Variants in STXBP5 observed in about 807,000 individuals in gnomAD.
STXBP5 encodes syntaxin-binding protein 5.
In STXBP5, 50 loss-of-function variants were observed where a neutral mutation model predicts 152.4. That is an observed-to-expected ratio of 0.33 (90% CI 0.26 to 0.42). The LOEUF is 0.42. Ranked by LOEUF, STXBP5 falls within the 10% of genes least tolerant of loss-of-function variation. The probability of loss-of-function intolerance (pLI) is 1.00; values close to 1 mark genes in which losing one functional copy is unlikely to be tolerated. For missense variants in STXBP5, 1,167 were observed against 1,388.6 expected, an observed-to-expected ratio of 0.84 and a Z score of 2.54; for synonymous variants, 492 against 494.7, an observed-to-expected ratio of 0.99 and a Z score of 0.07.
At chr6:147,339,124 T>C (rs1783974128) in intron 19 of STXBP5, 55 bp from the exon 20 acceptor site, 2 of 1,403,350 alleles carry the variant, frequency 1.4e-6, no homozygotes, top group African/African-American at 1.5e-5. Flanking sequence ...TTGTTACAGC[T>C]CAGTATTTAT....
At chr6:147,285,146 A>G (rs1252176352) in intron 8 of STXBP5, among the ~76,000 whole-genome samples, 1 of 152,134 alleles carries the variant, frequency 6.6e-6, no homozygotes, top group Non-Finnish European at 1.5e-5. Flanking sequence ...ATGGAAGTTT[A>G]TGTGAGTTAT....
intron 25 of STXBP5, among the ~76,000 whole-genome samples, chr6:147,372,274 G>A (rs571714626): frequency 2.6e-5 from 4 of 151,946 alleles, no homozygotes; most frequent in Non-Finnish European, 5.9e-5. Flanking sequence ...AACCTGAACA[G>A]CCTTTACCAG....
chr6:147,245,990 G>C (rs888124233), intron 4 of STXBP5, among the ~76,000 whole-genome samples: 3 of 152,154 alleles, frequency 2.0e-5, no homozygotes, highest in African/African-American at 7.2e-5. Context: ...AGCCACCCAT[G>C]CTGTGGTGAT....
At chr6:147,300,422 T>C (rs1321382689) in intron 9 of STXBP5, among the ~76,000 whole-genome samples, 2 of 152,078 alleles carry the variant, frequency 1.3e-5, no homozygotes, top group East Asian at 3.9e-4. Flanking sequence ...GCTACAAAAC[T>C]GTGGTAATCA....
chr6:147,382,391 G>A (rs2128423686), intron 26 of STXBP5, among the ~76,000 whole-genome samples: 1 of 152,148 alleles, frequency 6.6e-6, no homozygotes, highest in African/African-American at 2.4e-5. Context: ...AATCAAATCT[G>A]TATATTTAAA....
chr6:147,297,158 CATATT>C (rs1238034545), intron 9 of STXBP5, among the ~76,000 whole-genome samples: 2 of 152,076 alleles, frequency 1.3e-5, no homozygotes, highest in Non-Finnish European at 2.9e-5. Flanking sequence ...CTCTCCAAGA[CATATT>C]ATAATCAAAC....
chr6:147,208,346 A>G (rs1157540601), intron 2 of STXBP5, among the ~76,000 whole-genome samples: 1 of 152,176 alleles, frequency 6.6e-6, no homozygotes, highest in African/African-American at 2.4e-5. Context: ...TCTGATTTAT[A>G]GAAAATGACT....
chr6:147,292,496 A>C (rs959933709), intron 9 of STXBP5: 1 of 186,792 alleles, frequency 5.4e-6, no homozygotes, highest in Non-Finnish European at 1.1e-5. Context: ...TTTCTGGTAT[A>C]TAATAAACTC....
chr6:147,382,984 A>G lies in STXBP5; in HGVS notation c.3400A>G (p.Lys1134Glu). ...GTTATCAAGTGCAGAGTCATTTTCTAAACATGCTCATGAGGTACGACTCTC... is the reference window on the plus strand; with the variant it reads ...GTTATCAAGTGCAGAGTCATTTTCTGAACATGCTCATGAGGTACGACTCTC... ...AMLSSAESFSKHAHEIMLKYK... is the reference protein window; with the variant it reads ...AMLSSAESFSEHAHEIMLKYK... The change falls in exon 27 of 28, where the codon AAA becomes GAA. Residue 1134 changes from lysine to glutamate, a missense_variant. Transcript: ENST00000321680. 1.2e-6 allele frequency: 2 copies of G among 1,613,372 alleles called. No individual in the cohort carries two copies. The highest frequency in any genetic ancestry group is 1.7e-6 in the Non-Finnish European group (2 of 1,179,574).
chr6:147,288,859 A>G (rs1781128765), intron 8 of STXBP5, among the ~76,000 whole-genome samples: 1 of 152,212 alleles, frequency 6.6e-6, no homozygotes, highest in African/African-American at 2.4e-5. Flanking sequence ...CTCTGACCCT[A>G]GGACTTCATA....
At chr6:147,209,919 A>G (rs955754745) in intron 2 of STXBP5, among the ~76,000 whole-genome samples, 5 of 152,180 alleles carry the variant, frequency 3.3e-5, no homozygotes, top group Non-Finnish European at 7.4e-5. Context: ...AGTTAGCAGG[A>G]GAAATAAGGA....
intron 4 of STXBP5, among the ~76,000 whole-genome samples, chr6:147,246,290 A>G (rs916767962): frequency 6.6e-6 from 1 of 152,242 alleles, no homozygotes; most frequent in Non-Finnish European, 1.5e-5. Context: ...GAGTTAGTAT[A>G]GTATGACCAG....
At chr6:147,218,286 A>T (rs1417430853) in intron 2 of STXBP5, among the ~76,000 whole-genome samples, 1 of 152,294 alleles carries the variant, frequency 6.6e-6, no homozygotes, top group Non-Finnish European at 1.5e-5. Context: ...CATCATTATA[A>T]TATCATACAG....
In STXBP5 at chr6:147,316,236, A is replaced by T. The variant is rs1782638158; in HGVS notation, c.1631A>T (p.Glu544Val). Residue 544 changes from glutamate (E) to valine (V), a missense_variant, in exon 16 of 28, where the codon GAA becomes GTA. Glu to Val is a moderately radical substitution (Grantham distance 121). Transcript: ENST00000321680. ...ACCTTACTTTTACAACAGATGCTTG[A>T]AGTTCGATTATTATATGAGATAAAT... is the stretch of plus-strand genomic sequence containing the variant. The part of the protein sequence containing the change: ...EVITEVIPML[E>V]VRLLYEINDV... The T allele has an allele frequency of 6.2e-7, 1 of 1,613,642 alleles. No homozygotes were observed. Among genetic ancestry groups the T allele is most frequent in the Admixed American group, 1.7e-5 (1 of 59,896 alleles).
At chr6:147,209,706 A>G (rs74575879) in intron 2 of STXBP5, among the ~76,000 whole-genome samples, 2,355 of 152,258 alleles carry the variant, frequency 0.015, 59 homozygotes, top group African/African-American at 0.054. Flanking sequence ...TTGGGGCTCT[A>G]CTGACATTAC....
intron 2 of STXBP5, among the ~76,000 whole-genome samples, chr6:147,214,649 ATTTCCGC>A (rs1777067455): frequency 6.6e-6 from 1 of 152,100 alleles, no homozygotes. Flanking sequence ...TAAAATTTTG[ATTTCCGC>A]ATTGCCATTT....
In STXBP5 at chr6:147,388,134, A is replaced by T. The variant is rs1046717856; in HGVS notation, c.*3379A>T. 1 of 151,610 alleles carries T rather than the reference A, an allele frequency of 6.6e-6. No individual in the cohort carries two copies. Among genetic ancestry groups the T allele is most frequent in the Non-Finnish European group, 1.5e-5 (1 of 67,706 alleles). 9.4% of individuals were successfully genotyped at this position (151,610 alleles called of 1,614,324 possible). On this transcript the variant is annotated 3_prime_UTR_variant, in exon 28 of 28. Transcript: ENST00000321680. Reference sequence around the variant, plus strand: ...AAAGAGCACTGAACTTTAAACTTGAATTTTTTCTGCACTTTTTTAGGTAAT... The same window carrying T: ...AAAGAGCACTGAACTTTAAACTTGATTTTTTTCTGCACTTTTTTAGGTAAT...
chr6:147,316,503 T>C lies in STXBP5; in HGVS notation c.1802+96T>C, dbSNP rs529179986. 8 of 1,126,338 alleles carry C rather than the reference T, an allele frequency of 7.1e-6. No homozygotes were observed. In the Admixed American group the frequency reaches 1.8e-4, roughly 26 times the overall value. 69.8% of individuals were successfully genotyped at this position (1,126,338 alleles called of 1,614,324 possible). A position where few individuals can be genotyped will look rare whatever the true frequency, so the allele number is the denominator to read the frequency against. Reference sequence around the variant, plus strand: ...GCTATGGTAACATTTTCTTTTGATATAGCAAAATGGCATAAGAATGGTTCT... The same window carrying C: ...GCTATGGTAACATTTTCTTTTGATACAGCAAAATGGCATAAGAATGGTTCT... On this transcript the variant is annotated intron_variant, in intron 16 of 27. Coordinates refer to ENST00000321680, the MANE Select transcript of STXBP5 (RefSeq NM_001127715.4).
intron 2 of STXBP5, among the ~76,000 whole-genome samples, chr6:147,229,306 C>T (rs188028574): frequency 5.9e-5 from 9 of 151,796 alleles, no homozygotes; most frequent in Admixed American, 5.9e-4. Context: ...ATTACCTATT[C>T]ATATATGGTG....
Sources: gnomAD v4.1 joint callset for allele counts (sites outside exome capture counted in the v4.1 genomes callset) on GRCh38, gnomAD v4.1.1 for gene constraint, MANE v1.5 for transcripts, NCBI Gene and HGNC (gene_info 2026-07-23, HGNC 2026-07-21) for gene names.